The following LPAR1 variants were observed in gnomAD, a reference collection of about 807,000 sequenced individuals.
The protein encoded by LPAR1 is lysophosphatidic acid receptor 1, also known as LPA receptor 1.
LPAR1 carries 5 observed loss-of-function variants against 23.8 expected under a neutral mutation model. That is an observed-to-expected ratio of 0.21 (90% CI 0.11 to 0.44). The LOEUF is 0.44. Among genes scored for constraint, LPAR1 ranks in the 20% least tolerant of loss-of-function variants. The pLI is 0.99. For missense variants in LPAR1, 311 were observed against 482.8 expected (o/e 0.64, Z 3.33); for synonymous variants, 160 against 164.7 (o/e 0.97, Z 0.22).
intron 5 of LPAR1, among the ~76,000 whole-genome samples, chr9:110,913,358 C>A (rs143388600): frequency 1.3e-5 from 2 of 152,276 alleles, no homozygotes; most frequent in African/African-American, 4.8e-5. Flanking sequence ...GTATTTACCA[C>A]TACTACAAGT....
chr9:110,985,648 C>CAGCTGTATAGT (rs1217168215), intron 2 of LPAR1, among the ~76,000 whole-genome samples: 7 of 152,052 alleles, frequency 4.6e-5, no homozygotes, highest in Non-Finnish European at 1.0e-4. Flanking sequence ...ACTGTATTCC[C>CAGCTGTATAGT]AGCTGTATAG....
At chr9:110,985,904 T>C (rs1180644565) in intron 2 of LPAR1, among the ~76,000 whole-genome samples, 1 of 151,988 alleles carries the variant, frequency 6.6e-6, no homozygotes, top group East Asian at 1.9e-4. Context: ...GAACTACAGA[T>C]TTCTGAGTTG....
chr9:110,950,582 T>G (rs2095538871), intron 4 of LPAR1, among the ~76,000 whole-genome samples: 2 of 152,072 alleles, frequency 1.3e-5, no homozygotes, highest in South Asian at 4.2e-4. Context: ...TAAGAGAGTT[T>G]AACAAATTTT....
intron 2 of LPAR1, among the ~76,000 whole-genome samples, chr9:111,028,310 T>C (rs1031457859): frequency 2.0e-5 from 3 of 152,146 alleles, no homozygotes; most frequent in African/African-American, 7.2e-5. Flanking sequence ...CTTGAACTCC[T>C]GACCTCAAGT....
chr9:111,013,365 C>A (rs1433881460), intron 2 of LPAR1, among the ~76,000 whole-genome samples: 2 of 152,080 alleles, frequency 1.3e-5, no homozygotes, highest in African/African-American at 4.8e-5. Context: ...TAACCATGAC[C>A]CTCACCATGT....
intron 2 of LPAR1, among the ~76,000 whole-genome samples, chr9:111,029,696 C>A (rs1209033886): frequency 6.6e-6 from 1 of 152,058 alleles, no homozygotes; most frequent in Non-Finnish European, 1.5e-5. Context: ...GAGTCCATAT[C>A]GCTCCATGTT....
At chr9:110,926,540 A>T (rs2094046997) in intron 5 of LPAR1, among the ~76,000 whole-genome samples, 1 of 152,220 alleles carries the variant, frequency 6.6e-6, no homozygotes, top group African/African-American at 2.4e-5. Context: ...GGTGATTTTC[A>T]GACATTAATT....
intron 4 of LPAR1, among the ~76,000 whole-genome samples, chr9:110,948,175 C>T (rs942288879): frequency 1.3e-5 from 2 of 152,088 alleles, no homozygotes; most frequent in Non-Finnish European, 2.9e-5. Context: ...GGCCTATTTT[C>T]TTTCTCCAAA....
In LPAR1 at chr9:110,916,990, T is replaced by C. The variant is rs548000818; in HGVS notation, c.793+24431A>G. ...TGTCAATATTGTAATAACTTTGTAG[T>C]TGGAAGATAAAATAACTTCTTTTCA... On this transcript the variant is annotated intron_variant, in intron 5 of 5. Coordinates refer to ENST00000683809, the MANE Select transcript of LPAR1 (RefSeq NM_001351411.2). Among the ~76,000 whole-genome samples the C allele has an allele frequency of 7.9e-4, 120 of 151,778 alleles. 1 individual carries two copies. The highest frequency in any genetic ancestry group is 3.4e-3 in the Middle Eastern group (1 of 294).
intron 2 of LPAR1, among the ~76,000 whole-genome samples, chr9:111,008,185 AT>A: frequency 6.6e-6 from 1 of 152,104 alleles, no homozygotes; most frequent in Non-Finnish European, 1.5e-5. Context: ...AAAAAAAAAA[AT>A]CTTATTAATA....
intron 4 of LPAR1, among the ~76,000 whole-genome samples, chr9:110,954,507 T>C (rs965342844): frequency 5.8e-5 from 7 of 120,142 alleles, no homozygotes; most frequent in African/African-American, 2.2e-4. Context: ...AAAGGTCTTC[T>C]CCAGCACATA....
chr9:110,894,459 G>A (rs2085588435), intron 5 of LPAR1, among the ~76,000 whole-genome samples: 1 of 152,200 alleles, frequency 6.6e-6, no homozygotes, highest in Non-Finnish European at 1.5e-5. Context: ...GCCACCTAAT[G>A]GGTTCCCTTC....
chr9:110,927,669 C>CT (rs2094137448), intron 5 of LPAR1, among the ~76,000 whole-genome samples: 1 of 151,916 alleles, frequency 6.6e-6, no homozygotes, highest in Non-Finnish European at 1.5e-5. Flanking sequence ...TGAATCAAAT[C>CT]TTTTTTATAA....
chr9:110,939,777 T>C (rs909261823), intron 5 of LPAR1, among the ~76,000 whole-genome samples: 2 of 152,208 alleles, frequency 1.3e-5, no homozygotes, highest in African/African-American at 4.8e-5. Flanking sequence ...CAGTAGTCAT[T>C]TGCTGCTGGC....
intron 5 of LPAR1, among the ~76,000 whole-genome samples, chr9:110,878,317 CT>C (rs1272886992): frequency 6.6e-6 from 1 of 152,064 alleles, no homozygotes; most frequent in Non-Finnish European, 1.5e-5. Context: ...AAGGATCAAA[CT>C]GACCAAAAGA....
rs114071671 is a variant in LPAR1 at position 110,951,707 on chromosome 9, T to C, written c.46-9539A>G. 7.0e-3 allele frequency among the ~76,000 whole-genome samples: 1,071 copies of C among 152,218 alleles called. 15 individuals are homozygous for C. Among genetic ancestry groups the C allele is most frequent in the African/African-American group, 0.024 (1,017 of 41,552 alleles). On this transcript the variant is annotated intron_variant, in intron 4 of 5. Transcript: ENST00000683809. ...AGTACAATAGCTTTGAAAAACAGTT[T>C]GGCAAAAACTACTAACTATGAACAT...
chr9:110,984,737 G>C (rs2096744328), intron 2 of LPAR1, among the ~76,000 whole-genome samples: 1 of 148,526 alleles, frequency 6.7e-6, no homozygotes, highest in Non-Finnish European at 1.5e-5. Context: ...TGTCAATCCA[G>C]ATAAGCACAG....
intron 5 of LPAR1, among the ~76,000 whole-genome samples, chr9:110,929,698 ATGTGTGTGTGTG>A (rs71371696): frequency 0.013 from 1,865 of 146,324 alleles, 14 homozygotes; most frequent in African/African-American, 0.024. Flanking sequence ...CCAGCCAATA[ATGTGTGTGTGTG>A]TGTGTGTGTG....
At chr9:110,901,740 G>A (rs1434135704) in intron 5 of LPAR1, among the ~76,000 whole-genome samples, 1 of 151,884 alleles carries the variant, frequency 6.6e-6, no homozygotes, top group Non-Finnish European at 1.5e-5. Flanking sequence ...ATCACAGCAT[G>A]ATTACGAAGT....
Sources: allele counts gnomAD v4.1 joint callset (sites outside exome capture counted in the v4.1 genomes callset), GRCh38; gene constraint gnomAD v4.1.1; transcripts MANE v1.5; gene names NCBI Gene and HGNC (gene_info 2026-07-23, HGNC 2026-07-21).